NUP210: variants seen among roughly 807,000 people sequenced by gnomAD.
NUP210 encodes nuclear pore membrane glycoprotein 210.
NUP210 carries 151 observed loss-of-function variants against 196.0 expected under a neutral mutation model. The ratio of observed to expected loss-of-function variants is 0.77; its 90% confidence interval spans 0.67 to 0.88. The LOEUF (loss-of-function observed/expected upper bound fraction) is 0.88. Among genes scored for constraint, NUP210 ranks in the 40% least tolerant of loss-of-function variants. The pLI is 0.00. For synonymous variants in NUP210, 1,070 were observed against 1,052.7 expected, an observed-to-expected ratio of 1.02 and a Z score of -0.32; for missense variants, 2,314 against 2,493.7, an observed-to-expected ratio of 0.93 and a Z score of 1.53.
intron 6 of NUP210, among the ~76,000 whole-genome samples, chr3:13,385,477 C>G (rs1358894285): frequency 6.6e-6 from 1 of 152,252 alleles, no homozygotes; most frequent in African/African-American, 2.4e-5. Context: ...TATCTAAACA[C>G]AAGTACACAG....
intron 1 of NUP210, among the ~76,000 whole-genome samples, chr3:13,419,342 G>A (rs1700455254): frequency 6.6e-6 from 1 of 152,172 alleles, no homozygotes; most frequent in Non-Finnish European, 1.5e-5. Context: ...GGACTGCACC[G>A]CCCTGTCAGT....
chr3:13,343,981 GA>G (rs1310299813), intron 20 of NUP210, among the ~76,000 whole-genome samples: 2 of 152,194 alleles, frequency 1.3e-5, no homozygotes, highest in African/African-American at 4.8e-5. Flanking sequence ...TGTTGTGAGT[GA>G]ATGAACAAAT....
rs750574888 is a variant in NUP210, at chr3:13,367,294, G to C, written c.1787-1203C>G. ...TCTATTAAAATACAGAATTAGCCGC[G>C]TGTGGTGGCGCCTGTCTGTAATCCC... is the stretch of plus-strand genomic sequence containing the variant. On this transcript the variant is annotated intron_variant, in intron 13 of 39. Transcript: ENST00000254508. Among the ~76,000 whole-genome samples the C allele has an allele frequency of 6.2e-4, 95 of 152,118 alleles. 1 individual carries two copies. The highest frequency in any genetic ancestry group is 4.8e-3 in the Admixed American group (73 of 15,284).
At chr3:13,343,339 T>TGGGGGGGGGGGGGGTGGGGGGGGGGGG in intron 20 of NUP210, 36 bp from the exon 21 acceptor site, 2 of 282,522 alleles carry the variant, frequency 7.1e-6, no homozygotes, top group Non-Finnish European at 6.1e-6. Context: ...GGGTGGGTGG[T>TGGGGGGGGGGGGGGTGGGGGGGGGGGG]GGGTTACGCA....
chr3:13,353,904 G>T lies in NUP210; in HGVS notation c.2521+11C>A. On this transcript the variant is annotated intron_variant, in intron 17 of 39. Transcript: ENST00000254508. ...CTCCTGCCTGGGCCATCAGGCTTGT[G>T]CCCAGCTCACCGTGCAGCTTCTTTT... The T allele has an allele frequency of 6.2e-7, 1 of 1,601,836 alleles. No homozygotes were observed. The highest frequency in any genetic ancestry group is 8.5e-7 in the Non-Finnish European group (1 of 1,173,498).
chr3:13,335,556 T>A lies in NUP210; in HGVS notation c.3741A>T (p.Val1247=), dbSNP rs987834172. 2.3e-5 allele frequency: 37 copies of A among 1,613,984 alleles called. No individual in the cohort carries two copies. Among genetic ancestry groups the A allele is most frequent in the Non-Finnish European group, 2.9e-5 (34 of 1,180,036 alleles). The change falls in exon 28 of 40, where the codon GTA becomes GTT. Residue 1247 remains valine (V), a synonymous_variant. Coordinates refer to ENST00000254508, the MANE Select transcript of NUP210 (RefSeq NM_024923.4). ...CCACCCTCAGCCCGGTCCGGCCTTT[T>A]ACCCGGCCGAGCACGTTCATGGCAA... ...YNFAMNVLGR[V]KGRTGLRVVV...
chr3:13,351,829 C>A (rs1303449046), intron 20 of NUP210, 50 bp downstream of exon 20: 2 of 1,178,716 alleles, frequency 1.7e-6, no homozygotes, highest in East Asian at 2.3e-5. Context: ...CACACAACAG[C>A]CCAGATAAGG....
rs774785831 is a variant in NUP210, at chr3:13,358,198, C to T, written c.2328+24G>A. ...CCCAAGCGGGTGGCACCCTCACCTC[C>T]TCCCGAGCATAGCCCACACTCACCA... On this transcript the variant is annotated intron_variant, in intron 16 of 39. Transcript: ENST00000254508. The T allele has an allele frequency of 3.8e-6, 6 of 1,577,082 alleles. No individual in the cohort carries two copies. The South Asian group carries it at 6.8e-5, about 18-fold the overall frequency.
intron 13 of NUP210, 36 bp from the exon 14 acceptor site, chr3:13,366,127 A>G (rs1367655648): frequency 3.1e-6 from 5 of 1,597,086 alleles, no homozygotes; most frequent in Non-Finnish European, 4.3e-6. Context: ...TCACCCTGAA[A>G]TCACTTTTTT....
intron 1 of NUP210, among the ~76,000 whole-genome samples, chr3:13,416,460 A>T (rs188489624): frequency 1.1e-3 from 172 of 152,306 alleles, no homozygotes; most frequent in African/African-American, 3.7e-3. Context: ...TGGGTACAAA[A>T]GCTCAAAGCT....
chr3:13,369,015 C>A (rs149538142), intron 13 of NUP210, among the ~76,000 whole-genome samples: 1 of 152,228 alleles, frequency 6.6e-6, no homozygotes, highest in African/African-American at 2.4e-5. Context: ...CACCATACTG[C>A]TTTCCACAGC....
chr3:13,410,916 T>TGA (rs1700152590), intron 1 of NUP210, among the ~76,000 whole-genome samples: 1 of 38,392 alleles, frequency 2.6e-5, no homozygotes, highest in African/African-American at 1.3e-4. Flanking sequence ...AGACTCTGTC[T>TGA]CAAAAAAAAA....
At chr3:13,321,952 AAGTCACCTCCTC>A in intron 35 of NUP210, 117 bp from the exon 36 acceptor site, 2 of 1,392,016 alleles carry the variant, frequency 1.4e-6, no homozygotes, top group Non-Finnish European at 9.8e-7. Context: ...CCCAGGTGAG[AAGTCACCTCCTC>A]CAGGAGTCCT....
In NUP210 at chr3:13,319,314, G is replaced by A; in HGVS notation, c.5395C>T (p.Leu1799Phe). Residue 1799 changes from leucine (L) to phenylalanine (F), a missense_variant, in exon 38 of 40, where the codon CTC (leucine) becomes TTC (phenylalanine). Leu to Phe is a conservative substitution (Grantham distance 22). Coordinates refer to ENST00000254508, the MANE Select transcript of NUP210 (RefSeq NM_024923.4). ...RRGPGPYGAS[L>F]FQHFLDSYQV... ...TAGGAATCCAGGAAGTGCTGGAAGA[G>A]GCTGGCTCCATCTGCCATCAATGGG... The A allele has an allele frequency of 6.2e-7, 1 of 1,610,270 alleles. No homozygotes were observed. Among genetic ancestry groups the A allele is most frequent in the South Asian group, 1.1e-5 (1 of 90,262 alleles).
intron 39 of NUP210, among the ~76,000 whole-genome samples, chr3:13,318,421 A>T (rs920134693): frequency 6.6e-6 from 1 of 152,160 alleles, no homozygotes; most frequent in African/African-American, 2.4e-5. Context: ...CTTTCAAAAA[A>T]ATTCAGGGAC....
chr3:13,363,372 G>T (rs1338981613), intron 14 of NUP210, among the ~76,000 whole-genome samples: 2 of 152,212 alleles, frequency 1.3e-5, no homozygotes, highest in African/African-American at 4.8e-5. Flanking sequence ...AGGCCACTGT[G>T]TATCTTGCCA....
intron 25 of NUP210, among the ~76,000 whole-genome samples, chr3:13,339,273 T>A (rs978955535): frequency 1.3e-5 from 2 of 152,216 alleles, no homozygotes; most frequent in Non-Finnish European, 2.9e-5. Flanking sequence ...CTGCACGGAC[T>A]GCTTCCAGGG....
At chr3:13,375,890 C>CT (rs904047379) in intron 10 of NUP210, among the ~76,000 whole-genome samples, 1 of 152,022 alleles carries the variant, frequency 6.6e-6, no homozygotes, top group African/African-American at 2.4e-5. Flanking sequence ...TGTGGTGTCC[C>CT]CCCCAACTTT....
intron 36 of NUP210, 71 bp from the exon 37 acceptor site, chr3:13,320,050 C>T: frequency 7.1e-7 from 1 of 1,415,040 alleles, no homozygotes; most frequent in Non-Finnish European, 9.8e-7. Context: ...GGCCTCAGGA[C>T]CCCGAGGCGG....
Sources: gnomAD v4.1 joint callset for allele counts (sites outside exome capture counted in the v4.1 genomes callset) on GRCh38, gnomAD v4.1.1 for gene constraint, MANE v1.5 for transcripts, NCBI Gene and HGNC (gene_info 2026-07-23, HGNC 2026-07-21) for gene names.